The following CADPS variants were observed in gnomAD, a reference collection of about 807,000 sequenced individuals.
The protein encoded by CADPS is calcium-dependent secretion activator 1.
In CADPS, 57 loss-of-function variants were observed where a neutral mutation model predicts 167.3. The ratio of observed to expected loss-of-function variants is 0.34; its 90% CI spans 0.28 to 0.42. CADPS has a LOEUF of 0.42. CADPS is among the 20% of genes least tolerant of loss of function. The pLI, the probability that CADPS is intolerant of heterozygous loss-of-function variation, is 1.00. For missense variants in CADPS, 1,414 were observed against 1,738.1 expected, an observed-to-expected ratio of 0.81 and a Z score of 3.32; for synonymous variants, 676 against 635.3, an observed-to-expected ratio of 1.06 and a Z score of -0.96.
intron 1 of CADPS, among the ~76,000 whole-genome samples, chr3:62,818,537 C>T (rs1041253361): frequency 3.9e-5 from 6 of 152,054 alleles, no homozygotes; most frequent in African/African-American, 9.7e-5. Flanking sequence ...AAAGACAGAC[C>T]AGTGTTGGAA....
chr3:62,532,721 G>C, intron 13 of CADPS, 150 bp downstream of exon 13: 1 of 20,696 alleles, frequency 4.8e-5, no homozygotes, highest in Non-Finnish European at 1.2e-4. Flanking sequence ...TGCCCTTTGT[G>C]TGTGTGTGTG....
At chr3:62,751,916 A>G (rs1383963729) in intron 3 of CADPS, among the ~76,000 whole-genome samples, 1 of 152,210 alleles carries the variant, frequency 6.6e-6, no homozygotes, top group Non-Finnish European at 1.5e-5. Flanking sequence ...AAACACTGAG[A>G]TAAGACAAGA....
At chr3:62,738,939 G>T (rs1222316516) in intron 3 of CADPS, among the ~76,000 whole-genome samples, 1 of 152,106 alleles carries the variant, frequency 6.6e-6, no homozygotes, top group East Asian at 1.9e-4. Context: ...TTATGCCAGG[G>T]CATGTCAGCA....
intron 3 of CADPS, among the ~76,000 whole-genome samples, chr3:62,727,281 G>T (rs189508887): frequency 1.3e-5 from 2 of 151,962 alleles, no homozygotes; most frequent in East Asian, 3.9e-4. Flanking sequence ...ACAAACTACT[G>T]TTACCTGCAA....
In CADPS at chr3:62,549,889, G is replaced by T; in HGVS notation, c.1966+14C>A. On this transcript the variant is annotated intron_variant, in intron 11 of 29. Coordinates refer to ENST00000383710, the MANE Select transcript of CADPS (RefSeq NM_003716.4). ...TCTACAGAGCTATTTTTGTAAAACG[G>T]CATATTTACTTACAAAATTGAGAGA... 6.3e-7 allele frequency: 1 copy of T among 1,598,712 alleles called. No homozygotes were observed. The highest frequency in any genetic ancestry group is 8.6e-7 in the Non-Finnish European group (1 of 1,166,530).
chr3:62,611,771 C>A (rs2149308110), intron 6 of CADPS, among the ~76,000 whole-genome samples: 1 of 152,350 alleles, frequency 6.6e-6, no homozygotes, highest in Non-Finnish European at 1.5e-5. Flanking sequence ...CAGCTCCCTG[C>A]ATGAATCACT....
chr3:62,831,759 G>A (rs2075134663), intron 1 of CADPS, among the ~76,000 whole-genome samples: 1 of 152,108 alleles, frequency 6.6e-6, no homozygotes, highest in Non-Finnish European at 1.5e-5. Flanking sequence ...TACATAAAAA[G>A]CAGTAAATTC....
chr3:62,565,347 C>T (rs536477893), intron 9 of CADPS, among the ~76,000 whole-genome samples: 28 of 152,266 alleles, frequency 1.8e-4, no homozygotes, highest in South Asian at 8.3e-4. Flanking sequence ...CTCTGATGCT[C>T]GGTTCCATAG....
intron 1 of CADPS, among the ~76,000 whole-genome samples, chr3:62,801,159 T>C (rs1576591279): frequency 6.6e-6 from 1 of 152,258 alleles, no homozygotes; most frequent in South Asian, 2.1e-4. Flanking sequence ...AACTAACAGA[T>C]AGTGCTTCAA....
At chr3:62,469,223 G>A (rs189132225) in intron 24 of CADPS, among the ~76,000 whole-genome samples, 6 of 152,196 alleles carry the variant, frequency 3.9e-5, no homozygotes, top group East Asian at 1.9e-4. Flanking sequence ...TACAGAATAC[G>A]TGAATCCCTT....
chr3:62,496,877 A>G (rs2049760), intron 18 of CADPS, among the ~76,000 whole-genome samples: 92,604 of 151,926 alleles, frequency 0.61, 28,256 homozygotes, highest in Middle Eastern at 0.68. Context: ...TGATTGATGG[A>G]GAAGATTTTG....
chr3:62,532,849 A>G, intron 13 of CADPS, 22 bp downstream of exon 13: 2 of 1,610,744 alleles, frequency 1.2e-6, no homozygotes, highest in East Asian at 2.2e-5. Context: ...GATCACCTCT[A>G]GACACACGAA....
At chr3:62,466,301 G>A (rs767694132) in intron 25 of CADPS, 38 bp downstream of exon 25, 2 of 1,373,868 alleles carry the variant, frequency 1.5e-6, no homozygotes, top group East Asian at 2.3e-5. Context: ...ACAAAGCAGT[G>A]TTCACAATGA....
rs1259437739 is a variant in CADPS, at chr3:62,585,284, T to C, written c.1478A>G (p.Glu493Gly). Reference sequence around the variant, plus strand: ...TTTGGAGACTGTCATTTTGTGCCACTCTGACTGTTTGGGGCTGTTCGGGGT... The same window carrying C: ...TTTGGAGACTGTCATTTTGTGCCACCCTGACTGTTTGGGGCTGTTCGGGGT... The part of the protein sequence containing the change: ...HPTPNSPKQS[E>G]WHKMTVSKNC... The change falls in exon 8 of 30, where the codon GAG becomes GGG. Residue 493 changes from glutamate to glycine, a missense_variant. Physicochemically the swap from Glu to Gly is moderately conservative, Grantham distance 98. Coordinates refer to ENST00000383710, the MANE Select transcript of CADPS (RefSeq NM_003716.4). 6.2e-7 allele frequency: 1 copy of C among 1,613,862 alleles called. No individual in the cohort carries two copies. The highest frequency in any genetic ancestry group is 8.5e-7 in the Non-Finnish European group (1 of 1,179,834).
Position 62,579,394 on chromosome 3 carries a change from G to A in CADPS, c.1577+5791C>T, listed in dbSNP as rs187065359. 3.6e-3 allele frequency among the ~76,000 whole-genome samples: 545 copies of A among 152,192 alleles called. 1 individual carries two copies. The highest frequency in any genetic ancestry group is 5.0e-3 in the Admixed American group (76 of 15,278). ...GTCAGTCTCTGTATGAAGGTCCTATGAAAAAAGGAAACAAATTTCCCTTCT... is the reference window on the plus strand; with the variant it reads ...GTCAGTCTCTGTATGAAGGTCCTATAAAAAAAGGAAACAAATTTCCCTTCT... On this transcript the variant is annotated intron_variant, in intron 8 of 29. Coordinates refer to ENST00000383710, the MANE Select transcript of CADPS (RefSeq NM_003716.4).
At chr3:62,653,851 G>T (rs948143521) in intron 4 of CADPS, among the ~76,000 whole-genome samples, 4 of 152,058 alleles carry the variant, frequency 2.6e-5, no homozygotes, top group African/African-American at 4.8e-5. Context: ...CACAGTACCA[G>T]TTCCTTCTGG....
At chr3:62,648,381 A>T (rs1246571679) in intron 5 of CADPS, among the ~76,000 whole-genome samples, 2 of 152,146 alleles carry the variant, frequency 1.3e-5, no homozygotes, top group African/African-American at 4.8e-5. Context: ...CTGACAAAGA[A>T]TTAGAAAATT....
At position 62,499,455 on chromosome 3, in the gene CADPS, A is replaced by T. The variant is rs115068204; in HGVS notation, c.2600-187T>A. The T allele has an allele frequency of 6.8e-3, 3,040 of 444,986 alleles. 66 individuals are homozygous for T. Among genetic ancestry groups the T allele is most frequent in the African/African-American group, 0.053 (2,710 of 50,884 alleles). 27.6% of individuals were successfully genotyped at this position (444,986 alleles called of 1,614,324 possible). A position where few individuals can be genotyped will look rare whatever the true frequency, so the allele number is the denominator to read the frequency against. On this transcript the variant is annotated intron_variant, in intron 17 of 29. Coordinates refer to ENST00000383710, the MANE Select transcript of CADPS (RefSeq NM_003716.4). ...CCATTTTATTATTATCACCATTATT[A>T]TAATATATATTAGAAAAAAGCAGTG...
intron 28 of CADPS, among the ~76,000 whole-genome samples, chr3:62,409,040 C>G (rs376887549): frequency 6.6e-6 from 1 of 152,154 alleles, no homozygotes; most frequent in Non-Finnish European, 1.5e-5. Context: ...AATGTTCAGG[C>G]ACTACACGAA....
Sources: gnomAD v4.1 joint callset for allele counts (sites outside exome capture counted in the v4.1 genomes callset) on GRCh38, gnomAD v4.1.1 for gene constraint, MANE v1.5 for transcripts, NCBI Gene and HGNC (gene_info 2026-07-23, HGNC 2026-07-21) for gene names.